Variants in FOXP1 observed in about 807,000 individuals in gnomAD.
FOXP1 encodes the protein forkhead box protein P1.
Under a neutral mutation model 98.2 loss-of-function variants are expected in FOXP1, and 15 were observed. The observed-to-expected ratio is 0.15, with a 90% CI of 0.10 to 0.24. FOXP1 has a LOEUF of 0.24. Ranked by LOEUF, FOXP1 falls within the 10% of genes least tolerant of loss-of-function variation. FOXP1 has a pLI of 1.00. For synonymous variants in FOXP1, 371 were observed against 314.5 expected (o/e 1.18, Z -1.90); for missense variants, 633 against 848.5 (o/e 0.75, Z 3.15).
chr3:71,019,844 A>G (rs2045153882), intron 11 of FOXP1, among the ~76,000 whole-genome samples: 4 of 126,892 alleles, frequency 3.2e-5, no homozygotes, highest in African/African-American at 1.0e-4. Context: ...CCCCCCCCCA[A>G]AAAAAACAAA....
chr3:71,397,275 G>A (rs1432682456), intron 3 of FOXP1, among the ~76,000 whole-genome samples: 1 of 151,436 alleles, frequency 6.6e-6, no homozygotes, highest in African/African-American at 2.4e-5. Flanking sequence ...CGGAAGGAAC[G>A]AGATCTAACT....
chr3:71,529,018 G>A (rs1314031759), intron 2 of FOXP1, among the ~76,000 whole-genome samples: 2 of 152,296 alleles, frequency 1.3e-5, no homozygotes, highest in East Asian at 3.9e-4. Context: ...CAGCTAACTG[G>A]TGTACTCTAT....
intron 7 of FOXP1, among the ~76,000 whole-genome samples, chr3:71,104,140 C>T (rs1459787102): frequency 6.6e-6 from 1 of 152,098 alleles, no homozygotes; most frequent in Non-Finnish European, 1.5e-5. Context: ...GTCTATACTC[C>T]CATTGCACTG....
At chr3:70,990,917 T>C (rs1156730809) in intron 13 of FOXP1, among the ~76,000 whole-genome samples, 1 of 152,202 alleles carries the variant, frequency 6.6e-6, no homozygotes, top group Non-Finnish European at 1.5e-5. Context: ...CCTTTTTAAT[T>C]ACCAAGTTTC....
chr3:71,223,754 T>C (rs1488943341), intron 5 of FOXP1, among the ~76,000 whole-genome samples: 1 of 152,114 alleles, frequency 6.6e-6, no homozygotes, highest in Non-Finnish European at 1.5e-5. Flanking sequence ...CATTTTATTT[T>C]TATGCTGACC....
chr3:71,379,946 T>C (rs185391231), intron 3 of FOXP1, among the ~76,000 whole-genome samples: 5 of 152,372 alleles, frequency 3.3e-5, no homozygotes, highest in African/African-American at 1.2e-4. Context: ...TGTAAAGCCT[T>C]CCTCTAGATA....
rs1375221429 is a variant in FOXP1 at position 71,417,522 on chromosome 3, T to C, written c.-167-58278A>G. Among the ~76,000 whole-genome samples the C allele has an allele frequency of 5.9e-5, 9 of 151,474 alleles. No homozygotes were observed. The Admixed American group carries it at 5.9e-4, about 10-fold the overall frequency. On this transcript the variant is annotated intron_variant, in intron 3 of 20. Transcript: ENST00000649528. ...ATAGACCATCCACACAAGATTTTAA[T>C]ATCAGAACTTATCTTTCTAAAAACC...
chr3:71,346,236 G>A (rs2077351978), intron 4 of FOXP1, among the ~76,000 whole-genome samples: 1 of 152,222 alleles, frequency 6.6e-6, no homozygotes, highest in African/African-American at 2.4e-5. Context: ...ATCACTGTGA[G>A]CAAAGCTCTC....
At chr3:71,432,774 T>G (rs1314999102) in intron 3 of FOXP1, among the ~76,000 whole-genome samples, 1 of 150,668 alleles carries the variant, frequency 6.6e-6, no homozygotes, top group Non-Finnish European at 1.5e-5. Context: ...TTTTCAGGCT[T>G]AAGTGTGGAG....
intron 5 of FOXP1, chr3:71,245,297 T>G (rs1017626757): frequency 1.6e-4 from 24 of 152,090 alleles, no homozygotes; most frequent in African/African-American, 5.1e-4. Context: ...GAAATGGAAT[T>G]TTTTTTTCTC....
intron 2 of FOXP1, among the ~76,000 whole-genome samples, chr3:71,549,695 A>G (rs151088229): frequency 7.6e-4 from 115 of 152,268 alleles, no homozygotes; most frequent in African/African-American, 2.7e-3. Flanking sequence ...ATATTTTAAT[A>G]AAACATATCT....
chr3:71,361,476 A>G (rs1175195850), intron 3 of FOXP1, among the ~76,000 whole-genome samples: 1 of 152,198 alleles, frequency 6.6e-6, no homozygotes, highest in Non-Finnish European at 1.5e-5. Flanking sequence ...TACTTGTAAA[A>G]TGTTATAAGC....
chr3:71,353,986 A>G (rs2077972885), intron 4 of FOXP1, among the ~76,000 whole-genome samples: 1 of 152,128 alleles, frequency 6.6e-6, no homozygotes, highest in Admixed American at 6.5e-5. Context: ...CAGGACCGAC[A>G]CATCAAGTAT....
chr3:71,519,277 A>G (rs540875885), intron 2 of FOXP1, among the ~76,000 whole-genome samples: 1 of 152,180 alleles, frequency 6.6e-6, no homozygotes, highest in East Asian at 1.9e-4. Flanking sequence ...TAATAAAATA[A>G]TGTGTGAGCA....
rs143553507 is a variant in FOXP1, at chr3:71,011,573, C to T, written c.974+3976G>A. Among the ~76,000 whole-genome samples the T allele has an allele frequency of 7.2e-5, 11 of 152,290 alleles. No individual in the cohort carries two copies. In the East Asian group the frequency reaches 1.7e-3, roughly 24 times the overall value. On this transcript the variant is annotated intron_variant, in intron 12 of 20. Coordinates refer to ENST00000649528, the MANE Select transcript of FOXP1 (RefSeq NM_001349338.3). The stretch of plus-strand genomic sequence containing the variant: ...GCTTGAAGCCAGCTGTACCACTGGA[C>T]TTCCTAGCAATAGGGGCCAATTATC...
intron 2 of FOXP1, among the ~76,000 whole-genome samples, chr3:71,517,684 TAC>T (rs2042682902): frequency 6.6e-6 from 1 of 152,218 alleles, no homozygotes; most frequent in African/African-American, 2.4e-5. Flanking sequence ...TTTTATTGAA[TAC>T]TGGCTCAGCA....
intron 3 of FOXP1, among the ~76,000 whole-genome samples, chr3:71,438,723 G>T (rs1451123340): frequency 6.6e-6 from 1 of 151,036 alleles, no homozygotes; most frequent in Non-Finnish European, 1.5e-5. Context: ...GATTTAGGGA[G>T]GTTTCAGTCT....
intron 2 of FOXP1, among the ~76,000 whole-genome samples, chr3:71,540,526 G>A (rs574224788): frequency 1.1e-3 from 161 of 152,240 alleles, no homozygotes; most frequent in African/African-American, 3.8e-3. Flanking sequence ...ATAAACTTTC[G>A]TTAAGGACAA....
chr3:71,058,386 T>C (rs2050973960), intron 7 of FOXP1, among the ~76,000 whole-genome samples: 2 of 152,188 alleles, frequency 1.3e-5, no homozygotes, highest in South Asian at 4.1e-4. Flanking sequence ...GTTAATAATT[T>C]AGAAACTCTT....
Sources: allele counts gnomAD v4.1 joint callset (sites outside exome capture counted in the v4.1 genomes callset), GRCh38; gene constraint gnomAD v4.1.1; transcripts MANE v1.5; gene names NCBI Gene and HGNC (gene_info 2026-07-23, HGNC 2026-07-21).